The following PHF2 variants were observed in gnomAD, a reference collection of about 807,000 sequenced individuals.
The protein encoded by PHF2 is lysine-specific demethylase PHF2.
In PHF2, 27 loss-of-function variants were observed where a neutral mutation model predicts 120.5. The ratio of observed to expected loss-of-function variants is 0.22; its 90% CI spans 0.17 to 0.31. The LOEUF (loss-of-function observed/expected upper bound fraction) is 0.31. Ranked by LOEUF, PHF2 falls within the 10% of genes least tolerant of loss-of-function variation. PHF2 has a pLI of 1.00. For synonymous variants in PHF2, 568 were observed against 592.5 expected, an observed-to-expected ratio of 0.96 and a Z score of 0.60; for missense variants, 1,024 against 1,434.8, an observed-to-expected ratio of 0.71 and a Z score of 4.63.
chr9:93,594,069 G>C (rs1352296465), intron 1 of PHF2, among the ~76,000 whole-genome samples: 1 of 152,176 alleles, frequency 6.6e-6, no homozygotes, highest in Non-Finnish European at 1.5e-5. Flanking sequence ...GGCTTGGGTA[G>C]CTCTCTCTGC....
intron 17 of PHF2, chr9:93,670,932 G>T (rs940139323): frequency 5.5e-6 from 5 of 906,790 alleles, no homozygotes; most frequent in Non-Finnish European, 6.6e-6. Context: ...CTGGGAGTCT[G>T]TGTGGAGCCT....
At chr9:93,614,384 T>G (rs527649876) in intron 1 of PHF2, among the ~76,000 whole-genome samples, 1 of 152,306 alleles carries the variant, frequency 6.6e-6, no homozygotes, top group South Asian at 2.1e-4. Context: ...CCCAGTGACT[T>G]CTGTTTCCCC....
intron 1 of PHF2, among the ~76,000 whole-genome samples, chr9:93,604,230 C>T (rs373077539): frequency 9.2e-5 from 14 of 152,012 alleles, no homozygotes; most frequent in East Asian, 7.7e-4. Context: ...GTGCCGGGGA[C>T]CGAGTGAGTG....
intron 1 of PHF2, among the ~76,000 whole-genome samples, chr9:93,577,977 C>G (rs1862865362): frequency 6.6e-6 from 1 of 152,176 alleles, no homozygotes; most frequent in African/African-American, 2.4e-5. Flanking sequence ...CAGCAAGCAG[C>G]CGGGGGAAAG....
chr9:93,653,332 T>C lies in PHF2; in HGVS notation c.756T>C (p.Ser252=). Residue 252 remains serine (S), a synonymous_variant, in exon 6 of 22, where the codon TCT becomes TCC. Coordinates refer to ENST00000359246, the MANE Select transcript of PHF2 (RefSeq NM_005392.4). ...KDSYTDFHID[S]GGASAWYHVL... is the part of the protein sequence containing the mutation. Reference sequence around the variant, plus strand: ...GTTACACCGACTTCCACATCGACTCTGGGGGCGCCTCTGCCTGGTACCACG... The same window carrying C: ...GTTACACCGACTTCCACATCGACTCCGGGGGCGCCTCTGCCTGGTACCACG... The C allele has an allele frequency of 6.2e-7, 1 of 1,613,828 alleles. No homozygotes were observed. The highest frequency in any genetic ancestry group is 8.5e-7 in the Non-Finnish European group (1 of 1,180,018).
Position 93,663,527 on chromosome 9 carries a change from C to G in PHF2, c.1829C>G (p.Pro610Arg). Residue 610 changes from proline (P) to arginine (R), a missense_variant, in exon 14 of 22, where the codon CCT (proline) becomes CGT (arginine). Physicochemically the swap from Pro to Arg is moderately radical, Grantham distance 103. Transcript: ENST00000359246. ...EAKWKYKNSKPDSLLKMEEEQ... is the reference protein window; with the variant it reads ...EAKWKYKNSKRDSLLKMEEEQ... Reference sequence around the variant, plus strand: ...GGTCTTGCTTTTCAGAACAGCAAACCTGACTCCTTACTGAAGATGGAAGAG... The same window carrying G: ...GGTCTTGCTTTTCAGAACAGCAAACGTGACTCCTTACTGAAGATGGAAGAG... The G allele has an allele frequency of 6.2e-7, 1 of 1,610,850 alleles. No homozygotes were observed. The highest frequency in any genetic ancestry group is 8.5e-7 in the Non-Finnish European group (1 of 1,177,722).
intron 1 of PHF2, among the ~76,000 whole-genome samples, chr9:93,618,848 G>GTAT (rs1564383276): frequency 1.3e-3 from 2 of 1,514 alleles, no homozygotes; most frequent in South Asian, 0.043. Context: ...GTGTGTGTGT[G>GTAT]CCTGTGTGTG....
chr9:93,579,994 G>C (rs552633447), intron 1 of PHF2, among the ~76,000 whole-genome samples: 1 of 152,358 alleles, frequency 6.6e-6, no homozygotes, highest in East Asian at 1.9e-4. Flanking sequence ...CATGGGGAGG[G>C]AGAATCGTTG....
rs540983284 is a variant in PHF2 at position 93,649,269 on chromosome 9, C to T, written c.602+57C>T. On this transcript the variant is annotated intron_variant, in intron 5 of 21. Coordinates refer to ENST00000359246, the MANE Select transcript of PHF2 (RefSeq NM_005392.4). ...TGGGGTTGGGGCAGGGGCGCTGTGC[C>T]GTCCTTGGTAGTCGCCTGAGAAGCA... 1.3e-5 allele frequency: 19 copies of T among 1,463,808 alleles called. No homozygotes were observed. The East Asian group carries it at 2.0e-4, about 15-fold the overall frequency. 90.7% of individuals were successfully genotyped at this position (1,463,808 alleles called of 1,614,324 possible). A position where few individuals can be genotyped will look rare whatever the true frequency, so the allele number is the denominator to read the frequency against.
chr9:93,587,530 TAGTGGATGGAGGAGCCCCG>T (rs1863076587), intron 1 of PHF2, among the ~76,000 whole-genome samples: 5 of 144,808 alleles, frequency 3.5e-5, no homozygotes, highest in Admixed American at 6.8e-5. Flanking sequence ...GAGTCCCAGA[TAGTGGATGGAGGAGCCCCG>T]GGTGAGGGAT....
At chr9:93,670,916 GAA>G (rs1298954244) in intron 17 of PHF2, 1 of 858,188 alleles carries the variant, frequency 1.2e-6, no homozygotes, top group Admixed American at 6.2e-5. Flanking sequence ...AGGGCAAAGA[GAA>G]AGCCTGGGAG....
At chr9:93,647,408 G>A (rs1429176362) in intron 4 of PHF2, among the ~76,000 whole-genome samples, 1 of 152,010 alleles carries the variant, frequency 6.6e-6, no homozygotes, top group African/African-American at 2.4e-5. Flanking sequence ...GGGAGGAGAT[G>A]GTTCGTCGTT....
At chr9:93,595,611 G>A (rs190308999) in intron 1 of PHF2, among the ~76,000 whole-genome samples, 32 of 152,356 alleles carry the variant, frequency 2.1e-4, no homozygotes, top group African/African-American at 7.5e-4. Flanking sequence ...CTCTCTGCAT[G>A]TGCAGACACA....
chr9:93,669,264 G>C (rs1237047819), intron 17 of PHF2, among the ~76,000 whole-genome samples: 1 of 152,238 alleles, frequency 6.6e-6, no homozygotes, highest in Non-Finnish European at 1.5e-5. Flanking sequence ...GCCAGTTGAG[G>C]GGTCGGGGCA....
chr9:93,603,352 G>T (rs1825480981), intron 1 of PHF2, among the ~76,000 whole-genome samples: 1 of 152,174 alleles, frequency 6.6e-6, no homozygotes, highest in Non-Finnish European at 1.5e-5. Context: ...GGGAAGGCTG[G>T]CATTTCCGGC....
intron 1 of PHF2, among the ~76,000 whole-genome samples, chr9:93,604,336 C>CTTT (rs1171344507): frequency 7.6e-6 from 1 of 131,732 alleles, no homozygotes; most frequent in African/African-American, 2.8e-5. Context: ...AGCGAGACTT[C>CTTT]TTTTTTTTTT....
chr9:93,632,422 G>A (rs556562935), intron 2 of PHF2, among the ~76,000 whole-genome samples: 5 of 152,172 alleles, frequency 3.3e-5, no homozygotes, highest in African/African-American at 9.7e-5. Context: ...TCAGGCTGCC[G>A]TAACAAAATA....
In PHF2 at chr9:93,629,995, G is replaced by A; in HGVS notation, c.124G>A (p.Ala42Thr). Residue 42 changes from alanine (A) to threonine (T), a missense_variant, in exon 2 of 22, where the codon GCG becomes ACG. Ala to Thr is a moderately conservative substitution (Grantham distance 58). Coordinates refer to ENST00000359246, the MANE Select transcript of PHF2 (RefSeq NM_005392.4). ...GSCVGVEEEE[A>T]PDIDIYHCPN... ...CTGTGTTGGGGTGGAAGAGGAGGAG[G>A]CGCCCGACATCGACATATACCACTG... 1 of 1,614,124 alleles carries A rather than the reference G, an allele frequency of 6.2e-7. No individual in the cohort carries two copies. Among genetic ancestry groups the A allele is most frequent in the Non-Finnish European group, 8.5e-7 (1 of 1,180,032 alleles).
chr9:93,658,260 C>T (rs747506595), intron 10 of PHF2, 24 bp downstream of exon 10: 2 of 1,582,566 alleles, frequency 1.3e-6, no homozygotes, highest in African/African-American at 2.7e-5. Context: ...CACAAATGCC[C>T]TAGGGCAGGA....
Sources: allele counts gnomAD v4.1 joint callset (sites outside exome capture counted in the v4.1 genomes callset), GRCh38; gene constraint gnomAD v4.1.1; transcripts MANE v1.5; gene names NCBI Gene and HGNC (gene_info 2026-07-23, HGNC 2026-07-21).